The following KANK1 variants were observed in gnomAD, a reference collection of about 807,000 sequenced individuals.
KANK1 encodes the protein KN motif and ankyrin repeat domain-containing protein 1.
KANK1 carries 109 observed loss-of-function variants against 106.2 expected under a neutral mutation model. The ratio of observed to expected loss-of-function variants is 1.03; its 90% CI spans 0.88 to 1.20. The LOEUF is 1.20. KANK1 is among the 50% of genes most tolerant of loss of function. The probability of loss-of-function intolerance (pLI) is 0.00; values close to 1 mark genes in which losing one functional copy is unlikely to be tolerated. For missense variants in KANK1, 2,399 were observed against 1,710.7 expected, an observed-to-expected ratio of 1.40 and a Z score of -7.10; for synonymous variants, 873 against 652.2, an observed-to-expected ratio of 1.34 and a Z score of -5.16.
chr9:660,169 G>T (rs1842981041), intron 1 of KANK1: 2 of 310,180 alleles, frequency 6.4e-6, no homozygotes, highest in East Asian at 8.0e-5. Flanking sequence ...AACCAATGAA[G>T]GCATTTAAAA....
intron 1 of KANK1, among the ~76,000 whole-genome samples, chr9:622,991 G>C (rs1448589148): frequency 1.3e-5 from 2 of 152,066 alleles, no homozygotes; most frequent in African/African-American, 4.8e-5. Flanking sequence ...TCTTGACATT[G>C]GCCTTGGCAA....
intron 1 of KANK1, among the ~76,000 whole-genome samples, chr9:660,724 G>C (rs115456379): frequency 0.053 from 8,088 of 152,268 alleles, 231 homozygotes; most frequent in African/African-American, 0.066. Flanking sequence ...TCTAAGAGGA[G>C]AGGATGGGGT....
intron 1 of KANK1, among the ~76,000 whole-genome samples, chr9:585,321 C>T (rs2641969): frequency 0.32 from 49,092 of 152,072 alleles, 9,934 homozygotes; most frequent in South Asian, 0.53. Flanking sequence ...AATTAGAACA[C>T]GTTCACTTTG....
rs17857159 is a variant in KANK1 at position 711,728 on chromosome 9, A to C, written c.962A>C (p.Lys321Thr). The change falls in exon 3 of 12, where the codon AAG (lysine) becomes ACG (threonine). Residue 321 changes from lysine to threonine, a missense_variant. Lys to Thr is a moderately conservative substitution (Grantham distance 78). Transcript: ENST00000382297. The stretch of plus-strand genomic sequence containing the variant: ...CAGATCAATGTCTGTGGTGTGAGGA[A>C]GCGGTCCTATAGTGCGGGGAACGCC... Reference protein sequence around the residue: ...ASQINVCGVRKRSYSAGNASQ... With the variant: ...ASQINVCGVRTRSYSAGNASQ... The C allele has an allele frequency of 1.9e-6, 3 of 1,614,228 alleles. No homozygotes were observed. The East Asian group carries it at 6.7e-5, about 36-fold the overall frequency.
intron 1 of KANK1, among the ~76,000 whole-genome samples, chr9:625,509 G>C (rs1396106963): frequency 6.6e-6 from 1 of 152,028 alleles, no homozygotes; most frequent in East Asian, 1.9e-4. Flanking sequence ...GGAAACTTCT[G>C]GGTTGGGCCT....
chr9:532,408 A>T (rs2133570315), intron 1 of KANK1, among the ~76,000 whole-genome samples: 3 of 92,540 alleles, frequency 3.2e-5, no homozygotes, highest in African/African-American at 4.3e-5. Flanking sequence ...AATCATTTTG[A>T]GTGTATAGTT....
chr9:655,978 G>A (rs984913570), intron 1 of KANK1, among the ~76,000 whole-genome samples: 21 of 152,164 alleles, frequency 1.4e-4, no homozygotes, highest in African/African-American at 5.1e-4. Flanking sequence ...CTTCCTCCTT[G>A]CCTCAGACCC....
chr9:491,144 A>C (rs111932430), intron 3 of KANK1, among the ~76,000 whole-genome samples: 2,612 of 152,136 alleles, frequency 0.017, 85 homozygotes, highest in African/African-American at 0.058. Flanking sequence ...AACATTTTGT[A>C]GAGATGTGCT....
At chr9:737,671 G>C (rs1354734335) in intron 7 of KANK1, among the ~76,000 whole-genome samples, 1 of 152,192 alleles carries the variant, frequency 6.6e-6, no homozygotes, top group African/African-American at 2.4e-5. Flanking sequence ...TGGTTGAACA[G>C]TTGTATTTGG....
intron 1 of KANK1, among the ~76,000 whole-genome samples, chr9:659,565 A>G (rs373731776): frequency 1.3e-5 from 2 of 152,320 alleles, no homozygotes; most frequent in African/African-American, 2.4e-5. Context: ...GGTAATTTAT[A>G]AAGAAAAAAG....
chr9:599,315 G>A (rs542792933), intron 1 of KANK1, among the ~76,000 whole-genome samples: 1 of 151,518 alleles, frequency 6.6e-6, no homozygotes, highest in African/African-American at 2.4e-5. Flanking sequence ...ACCACACCCG[G>A]CAAGAAATAT....
chr9:680,379 C>G (rs557759187), intron 2 of KANK1, among the ~76,000 whole-genome samples: 1 of 152,220 alleles, frequency 6.6e-6, no homozygotes, highest in African/African-American at 2.4e-5. Flanking sequence ...CTCTGACTTC[C>G]CCTTGGAGTC....
chr9:563,832 C>A (rs1041061188), intron 1 of KANK1, among the ~76,000 whole-genome samples: 1 of 152,156 alleles, frequency 6.6e-6, no homozygotes, highest in Non-Finnish European at 1.5e-5. Context: ...GTGACTGTGT[C>A]ACTAGAAAGT....
At chr9:715,044 C>T (rs1827309723) in intron 3 of KANK1, among the ~76,000 whole-genome samples, 1 of 152,156 alleles carries the variant, frequency 6.6e-6, no homozygotes, top group Admixed American at 6.5e-5. Flanking sequence ...TTAAAATAGA[C>T]TGAAATATAT....
chr9:515,475 A>T (rs1359505605), intron 1 of KANK1, among the ~76,000 whole-genome samples: 2 of 151,680 alleles, frequency 1.3e-5, no homozygotes, highest in Admixed American at 6.6e-5. Flanking sequence ...TTTATGAGAG[A>T]TGTATTTCAA....
intron 3 of KANK1, among the ~76,000 whole-genome samples, chr9:721,518 G>C (rs1829339806): frequency 6.6e-6 from 1 of 152,148 alleles, no homozygotes; most frequent in African/African-American, 2.4e-5. Context: ...GAAATAAATT[G>C]GTCCCACTAT....
intron 1 of KANK1, among the ~76,000 whole-genome samples, chr9:567,181 TC>T (rs1430437097): frequency 6.6e-6 from 1 of 152,180 alleles, no homozygotes; most frequent in African/African-American, 2.4e-5. Context: ...CTGGGTTCTC[TC>T]GTCTGTTCCC....
At chr9:693,708 C>T (rs956304806) in intron 2 of KANK1, 29 of 985,176 alleles carry the variant, frequency 2.9e-5, no homozygotes, top group Non-Finnish European at 3.5e-5. Context: ...TGTGTGGAGT[C>T]CCTTTAATGC....
intron 1 of KANK1, among the ~76,000 whole-genome samples, chr9:612,055 A>G (rs1481295725): frequency 6.6e-6 from 1 of 152,186 alleles, no homozygotes; most frequent in Non-Finnish European, 1.5e-5. Context: ...CTGTACATAT[A>G]AAAGTACATT....
Sources: gnomAD v4.1 joint callset for allele counts (sites outside exome capture counted in the v4.1 genomes callset) on GRCh38, gnomAD v4.1.1 for gene constraint, MANE v1.5 for transcripts, NCBI Gene and HGNC (gene_info 2026-07-23, HGNC 2026-07-21) for gene names.